ADAMTS9: variants seen among roughly 807,000 people sequenced by gnomAD.
ADAMTS9 encodes the protein ADAM metallopeptidase with thrombospondin type 1 motif 9, also known as A disintegrin and metalloproteinase with thrombospondin motifs 9.
ADAMTS9 carries 107 observed loss-of-function variants against 257.1 expected under a neutral mutation model. That is an observed-to-expected ratio of 0.42 (90% CI 0.36 to 0.49). ADAMTS9 has a LOEUF of 0.49. ADAMTS9 is among the 20% of genes least tolerant of loss of function. The pLI is 0.03. For synonymous variants in ADAMTS9, 982 were observed against 880.9 expected, an observed-to-expected ratio of 1.11 and a Z score of -2.03; for missense variants, 2,353 against 2,469.1, an observed-to-expected ratio of 0.95 and a Z score of 1.00.
chr3:64,540,809 C>A (rs995326340), intron 36 of ADAMTS9, among the ~76,000 whole-genome samples: 1 of 152,194 alleles, frequency 6.6e-6, no homozygotes, highest in East Asian at 1.9e-4. Flanking sequence ...TTCATTCATT[C>A]ATTCATTCAT....
chr3:64,594,165 G>A, intron 28 of ADAMTS9, 93 bp downstream of exon 28: 1 of 1,353,630 alleles, frequency 7.4e-7, no homozygotes, highest in South Asian at 1.5e-5. Context: ...GGATGCCCTT[G>A]TAAGTGTGAC....
chr3:64,551,249 T>G (rs2083267761), intron 30 of ADAMTS9, among the ~76,000 whole-genome samples, 187 bp from the exon 31 acceptor site: 2 of 152,112 alleles, frequency 1.3e-5, no homozygotes, highest in South Asian at 2.1e-4. Context: ...TTGCTCTGTC[T>G]CCCAGGCTGG....
chr3:64,540,630 T>G (rs1015215951), intron 36 of ADAMTS9, among the ~76,000 whole-genome samples: 1 of 152,170 alleles, frequency 6.6e-6, no homozygotes, highest in African/African-American at 2.4e-5. Flanking sequence ...ATCTGCTGTT[T>G]ATTCTACCTT....
intron 3 of ADAMTS9, among the ~76,000 whole-genome samples, chr3:64,680,937 C>T (rs1701738232): frequency 6.6e-6 from 1 of 152,162 alleles, no homozygotes; most frequent in African/African-American, 2.4e-5. Flanking sequence ...GGTGGCTCTT[C>T]CCATAGAGGG....
intron 29 of ADAMTS9, chr3:64,563,058 A>G (rs959572642): frequency 1.3e-5 from 2 of 152,198 alleles, no homozygotes; most frequent in African/African-American, 4.8e-5. Context: ...GTTTGGGCTC[A>G]ATTGTATTAA....
At chr3:64,612,150 C>T (rs1243166231) in intron 22 of ADAMTS9, among the ~76,000 whole-genome samples, 1 of 151,910 alleles carries the variant, frequency 6.6e-6, no homozygotes, top group Non-Finnish European at 1.5e-5. Context: ...TATTTACGAC[C>T]CTTAAATAAC....
chr3:64,586,978 A>C (rs2084169009), intron 28 of ADAMTS9: 1 of 152,212 alleles, frequency 6.6e-6, no homozygotes, highest in South Asian at 2.1e-4. Context: ...TCTCCTAAAA[A>C]GCATCATTCA....
intron 28 of ADAMTS9, among the ~76,000 whole-genome samples, chr3:64,584,568 C>G (rs925025309): frequency 2.6e-5 from 4 of 152,132 alleles, no homozygotes; most frequent in Admixed American, 2.6e-4. Flanking sequence ...TCCAGATCTA[C>G]TCTTTACTTC....
intron 11 of ADAMTS9, among the ~76,000 whole-genome samples, chr3:64,644,242 T>C (rs1289125217): frequency 6.6e-6 from 1 of 152,174 alleles, no homozygotes; most frequent in Non-Finnish European, 1.5e-5. Context: ...GTAGGTACTA[T>C]TATTACTTCC....
In ADAMTS9 at chr3:64,546,869, G is replaced by A. The variant is rs1240719376; in HGVS notation, c.4953C>T (p.Tyr1651=). The change falls in exon 32 of 40, where the codon TAC becomes TAT. Residue 1651 remains tyrosine, a synonymous_variant. Coordinates refer to ENST00000498707, the MANE Select transcript of ADAMTS9 (RefSeq NM_182920.2). ...EIYTGKENYE[Y]SYQTTINCPG... ...GGCAGTTGATGGTGGTTTGGTAGCT[G>A]TATTCATAATTCTCCTTCCCGGTGT... The A allele has an allele frequency of 3.7e-6, 6 of 1,614,004 alleles. No individual in the cohort carries two copies. In the African/African-American group the frequency reaches 6.7e-5, roughly 18 times the overall value.
At chr3:64,544,474 T>A (rs2083170710) in intron 32 of ADAMTS9, among the ~76,000 whole-genome samples, 1 of 152,116 alleles carries the variant, frequency 6.6e-6, no homozygotes, top group African/African-American at 2.4e-5. Context: ...TCTACAACCA[T>A]CTGACCTTTG....
chr3:64,608,950 G>A, intron 22 of ADAMTS9, among the ~76,000 whole-genome samples: 2 of 151,860 alleles, frequency 1.3e-5, no homozygotes, highest in Non-Finnish European at 2.9e-5. Flanking sequence ...TTTAGTCCAG[G>A]AACATAAGGC....
intron 30 of ADAMTS9, among the ~76,000 whole-genome samples, chr3:64,558,459 G>T (rs971301111): frequency 6.6e-6 from 1 of 152,056 alleles, no homozygotes; most frequent in Non-Finnish European, 1.5e-5. Context: ...ATTATCTTCA[G>T]TATTAGGGCC....
In ADAMTS9 at chr3:64,633,507, C is replaced by T. The variant is rs756350781; in HGVS notation, c.2140G>A (p.Asp714Asn). The T allele has an allele frequency of 1.9e-6, 3 of 1,613,966 alleles. No individual in the cohort carries two copies. The highest frequency in any genetic ancestry group is 2.5e-6 in the Non-Finnish European group (3 of 1,180,026). The change falls in exon 14 of 40, where the codon GAC becomes AAC. Residue 714 changes from aspartate (D) to asparagine (N), a missense_variant. Asp to Asn is a conservative substitution (Grantham distance 23). This residue lies in a region of ADAMTS9 where 360 missense variants were observed against 458.1 expected (regional missense o/e 0.79). Coordinates refer to ENST00000498707, the MANE Select transcript of ADAMTS9 (RefSeq NM_182920.2). ...RVIDGTPCGQ[D>N]TNDICVQGLC... Reference sequence around the variant, plus strand: ...CCCTGGACACAGATATCATTTGTGTCCTGGCCACAAGGAGTTCCATCTATC... The same window carrying T: ...CCCTGGACACAGATATCATTTGTGTTCTGGCCACAAGGAGTTCCATCTATC...
intron 28 of ADAMTS9, among the ~76,000 whole-genome samples, chr3:64,578,513 G>A (rs1317281789): frequency 1.3e-5 from 2 of 152,138 alleles, no homozygotes; most frequent in South Asian, 2.1e-4. Context: ...CTATGAATAC[G>A]GTGTTAGGAC....
chr3:64,542,173 C>G (rs892717495), intron 32 of ADAMTS9, among the ~76,000 whole-genome samples: 1 of 151,996 alleles, frequency 6.6e-6, no homozygotes, highest in African/African-American at 2.4e-5. Context: ...CATGTTCATG[C>G]ATTTATACAA....
At chr3:64,680,209 G>C (rs1270178698) in intron 3 of ADAMTS9, among the ~76,000 whole-genome samples, 3 of 152,166 alleles carry the variant, frequency 2.0e-5, no homozygotes, top group Non-Finnish European at 4.4e-5. Flanking sequence ...TGATCCTCTG[G>C]GGAGCATTTG....
chr3:64,659,686 T>C (rs996606547), intron 3 of ADAMTS9, among the ~76,000 whole-genome samples: 1 of 152,142 alleles, frequency 6.6e-6, no homozygotes, highest in African/African-American at 2.4e-5. Context: ...AATTTTTAAT[T>C]AACTTACTCC....
intron 12 of ADAMTS9, among the ~76,000 whole-genome samples, chr3:64,639,621 A>G (rs1700590193): frequency 6.6e-6 from 1 of 152,200 alleles, no homozygotes; most frequent in Non-Finnish European, 1.5e-5. Context: ...AAAAATGTTT[A>G]AAGTGCTTAT....
Sources: allele counts gnomAD v4.1 joint callset (sites outside exome capture counted in the v4.1 genomes callset), GRCh38; gene constraint gnomAD v4.1.1; regional missense constraint gnomAD v4.1.1; transcripts MANE v1.5; gene names NCBI Gene and HGNC (gene_info 2026-07-23, HGNC 2026-07-21).